Variants in CHCHD4 observed in about 807,000 individuals in gnomAD.
CHCHD4 encodes the protein coiled-coil-helix-coiled-coil-helix domain containing 4.
Under a neutral mutation model 12.4 loss-of-function variants are expected in CHCHD4, and 7 were observed. The ratio of observed to expected loss-of-function variants is 0.57; its 90% CI spans 0.32 to 1.06. The LOEUF (loss-of-function observed/expected upper bound fraction) is 1.06. Ranked by LOEUF, CHCHD4 falls within the 50% of genes least tolerant of loss-of-function variation. The pLI, the probability that CHCHD4 is intolerant of heterozygous loss-of-function variation, is 0.04. For synonymous variants in CHCHD4, 56 were observed against 58.0 expected (o/e 0.97, Z 0.16); for missense variants, 143 against 175.1 (o/e 0.82, Z 1.03).
In CHCHD4 at chr3:14,112,967, C is replaced by G; in HGVS notation, c.349G>C (p.Glu117Gln). Residue 117 changes from glutamate to glutamine, a missense_variant, in exon 3 of 3, where the codon GAG becomes CAG. Transcript: ENST00000396914. ...QEDEDEEEER[E>Q]KKPAEQAEET... ...TCTGCTTGTTCTGCTGGCTTCTTCT[C>G]TCTTTCCTCTTCCTCATCCTCATCC... is the stretch of plus-strand genomic sequence containing the variant. 6.2e-7 allele frequency: 1 copy of G among 1,613,196 alleles called. No individual in the cohort carries two copies.
Position 14,124,637 on chromosome 3 carries a change from G to A in CHCHD4, c.22+18C>T. ...AGGCCCTCGTAGGCCGGTCTCCGTG[G>A]CAGCCCGCCCTCCCTACCTTCCTGC... On this transcript the variant is annotated intron_variant, in intron 1 of 2. Transcript: ENST00000396914. The A allele has an allele frequency of 1.3e-6, 2 of 1,510,680 alleles. No individual in the cohort carries two copies. Among genetic ancestry groups the A allele is most frequent in the South Asian group, 1.3e-5 (1 of 79,676 alleles). 93.6% of individuals were successfully genotyped at this position (1,510,680 alleles called of 1,614,324 possible).
intron 1 of CHCHD4, chr3:14,121,982 T>C: frequency 1.2e-6 from 2 of 1,613,976 alleles, no homozygotes; most frequent in Non-Finnish European, 8.5e-7. Flanking sequence ...AGGCATCCAG[T>C]GGAGAAGACG....
In CHCHD4 at chr3:14,124,861, G is replaced by A; in HGVS notation, c.-185C>T. 1.5e-6 allele frequency: 1 copy of A among 684,232 alleles called. No homozygotes were observed. The highest frequency in any genetic ancestry group is 2.5e-6 in the Non-Finnish European group (1 of 405,810). The allele number at this position is 684,232 out of a possible 1,614,324, so 42.4% of individuals were successfully genotyped here. A position where few individuals can be genotyped will look rare whatever the true frequency, so the allele number is the denominator to read the frequency against. Reference sequence around the variant, plus strand: ...CGCAACCGCGGCCAGGCCAACCTCAGCCGGAAACTACATTTCCCAGCAGGT... The same window carrying A: ...CGCAACCGCGGCCAGGCCAACCTCAACCGGAAACTACATTTCCCAGCAGGT... On this transcript the variant is annotated 5_prime_UTR_variant, in exon 1 of 3. Transcript: ENST00000396914.
intron 1 of CHCHD4, among the ~76,000 whole-genome samples, chr3:14,120,004 T>C (rs1480749061): frequency 3.9e-5 from 6 of 152,108 alleles, no homozygotes; most frequent in African/African-American, 1.4e-4. Context: ...GTTTTGGAAA[T>C]GGGAGAGCTG....
Position 14,124,774 on chromosome 3 carries a change from C to G in CHCHD4, c.-98G>C. The G allele has an allele frequency of 1.5e-6, 2 of 1,360,722 alleles. No individual in the cohort carries two copies. The highest frequency in any genetic ancestry group is 9.8e-7 in the Non-Finnish European group (1 of 1,022,788). 84.3% of individuals were successfully genotyped at this position (1,360,722 alleles called of 1,614,324 possible). A position where few individuals can be genotyped will look rare whatever the true frequency, so the allele number is the denominator to read the frequency against. Reference sequence around the variant, plus strand: ...TCTCCTCTGGCAGGGCGGGCTCCTCCGAAGCCCGCGCGGACCCGCCCCCTC... The same window carrying G: ...TCTCCTCTGGCAGGGCGGGCTCCTCGGAAGCCCGCGCGGACCCGCCCCCTC... On this transcript the variant is annotated 5_prime_UTR_variant, in exon 1 of 3. Coordinates refer to ENST00000396914, the MANE Select transcript of CHCHD4 (RefSeq NM_001098502.2).
At position 14,113,142 on chromosome 3, in the gene CHCHD4, TCCC is replaced by T; in HGVS notation, c.171_173del (p.Gly58del). On this transcript the variant is annotated inframe_deletion, in exon 3 of 3. Transcript: ENST00000396914. The stretch of plus-strand genomic sequence containing the variant: ...GTTCTCCACAGGGACCGCTGGCCAT[TCCC>T]CCAAGGCATGGGCAGTTCCAGTTAA... 6.2e-7 allele frequency: 1 copy of T among 1,613,860 alleles called. No individual in the cohort carries two copies. Among genetic ancestry groups the T allele is most frequent in the Non-Finnish European group, 8.5e-7 (1 of 1,179,928 alleles).
At chr3:14,113,510 G>T (rs1694843344) in intron 2 of CHCHD4, among the ~76,000 whole-genome samples, 2 of 152,302 alleles carry the variant, frequency 1.3e-5, no homozygotes, top group African/African-American at 4.8e-5. Context: ...CACTTGGATG[G>T]TTAGTGAGGA....
chr3:14,119,730 C>G (rs567631218), intron 1 of CHCHD4, among the ~76,000 whole-genome samples: 33 of 152,308 alleles, frequency 2.2e-4, no homozygotes, highest in African/African-American at 7.7e-4. Context: ...TGCACAGTGG[C>G]TTCAATATTT....
chr3:14,124,624 G>T, intron 1 of CHCHD4, 31 bp downstream of exon 1: 1 of 1,502,634 alleles, frequency 6.7e-7, no homozygotes, highest in Non-Finnish European at 8.9e-7. Context: ...GCCCTCGTAG[G>T]CCGGTCTCCG....
intron 1 of CHCHD4, among the ~76,000 whole-genome samples, chr3:14,121,175 C>A (rs1383824298): frequency 6.6e-6 from 1 of 152,136 alleles, no homozygotes; most frequent in Non-Finnish European, 1.5e-5. Context: ...GGCAGTCACC[C>A]AAGAGACTTT....
intron 1 of CHCHD4, among the ~76,000 whole-genome samples, chr3:14,121,190 C>T (rs56154103): frequency 0.36 from 55,449 of 152,022 alleles, 10,602 homozygotes; most frequent in South Asian, 0.43. Context: ...GACTTTCCCC[C>T]CACCTCCCTC....
At chr3:14,117,143 C>T (rs1694884463) in intron 1 of CHCHD4, among the ~76,000 whole-genome samples, 1 of 152,176 alleles carries the variant, frequency 6.6e-6, no homozygotes, top group Admixed American at 6.5e-5. Flanking sequence ...AGGACAAACC[C>T]AACAGTGGTT....
intron 2 of CHCHD4, among the ~76,000 whole-genome samples, chr3:14,115,008 T>G (rs1040705327): frequency 6.6e-6 from 1 of 151,926 alleles, no homozygotes; most frequent in Non-Finnish European, 1.5e-5. Context: ...CCACCTTTTT[T>G]CTTGGTACTC....
At chr3:14,116,640 A>G in intron 1 of CHCHD4, 116 bp from the exon 2 acceptor site, 1 of 755,318 alleles carries the variant, frequency 1.3e-6, no homozygotes, top group Non-Finnish European at 2.4e-6. Context: ...TGCCATCCCT[A>G]TGTGAGGTGA....
intron 1 of CHCHD4, among the ~76,000 whole-genome samples, chr3:14,120,248 G>C (rs1010701798): frequency 6.6e-6 from 1 of 151,980 alleles, no homozygotes; most frequent in African/African-American, 2.4e-5. Flanking sequence ...TTTTACTCTC[G>C]GTAGAGCCAC....
chr3:14,121,398 C>T (rs1230198311), intron 1 of CHCHD4, among the ~76,000 whole-genome samples: 1 of 152,180 alleles, frequency 6.6e-6, no homozygotes, highest in African/African-American at 2.4e-5. Flanking sequence ...ATGGTTATCA[C>T]CATTAAGTGA....
intron 1 of CHCHD4, among the ~76,000 whole-genome samples, chr3:14,123,073 CG>C (rs1463556717): frequency 1.3e-5 from 2 of 151,952 alleles, no homozygotes; most frequent in Non-Finnish European, 2.9e-5. Context: ...GGACTTCTTA[CG>C]GGGACAGTGG....
chr3:14,124,865 G>C lies in CHCHD4; in HGVS notation c.-189C>G. On this transcript the variant is annotated 5_prime_UTR_variant, in exon 1 of 3. Transcript: ENST00000396914. Reference sequence around the variant, plus strand: ...ACCGCGGCCAGGCCAACCTCAGCCGGAAACTACATTTCCCAGCAGGTCGCG... The same window carrying C: ...ACCGCGGCCAGGCCAACCTCAGCCGCAAACTACATTTCCCAGCAGGTCGCG... The C allele has an allele frequency of 1.5e-6, 1 of 674,500 alleles. No individual in the cohort carries two copies. The highest frequency in any genetic ancestry group is 2.8e-5 in the East Asian group (1 of 36,326). 41.8% of individuals were successfully genotyped at this position (674,500 alleles called of 1,614,324 possible).
At chr3:14,115,275 AAAC>A (rs1387500767) in intron 2 of CHCHD4, among the ~76,000 whole-genome samples, 1 of 146,672 alleles carries the variant, frequency 6.8e-6, no homozygotes, top group Non-Finnish European at 1.5e-5. Context: ...AGGTAAAAAA[AAAC>A]AACAGGGACA....
Sources: allele counts gnomAD v4.1 joint callset (sites outside exome capture counted in the v4.1 genomes callset), GRCh38; gene constraint gnomAD v4.1.1; transcripts MANE v1.5; gene names NCBI Gene and HGNC (gene_info 2026-07-23, HGNC 2026-07-21).